MAP3K13: variants seen among roughly 807,000 people sequenced by gnomAD.
The protein encoded by MAP3K13 is mitogen-activated protein kinase kinase kinase 13, also known as leucine zipper-bearing kinase.
A neutral mutation model predicts 104.0 loss-of-function variants in MAP3K13; 52 were observed. The observed-to-expected ratio is 0.50, with a 90% CI of 0.40 to 0.63. MAP3K13 has a LOEUF of 0.63. Among genes scored for constraint, MAP3K13 ranks in the 20% least tolerant of loss-of-function variants. MAP3K13 has a pLI of 0.00. For missense variants in MAP3K13, 914 were observed against 1,218.5 expected (o/e 0.75, Z 3.72); for synonymous variants, 394 against 442.2 (o/e 0.89, Z 1.37).
At chr3:185,399,384 C>T (rs1712622057) in intron 1 of MAP3K13, among the ~76,000 whole-genome samples, 1 of 151,748 alleles carries the variant, frequency 6.6e-6, no homozygotes, top group African/African-American at 2.4e-5. Flanking sequence ...GCCCGCGGAT[C>T]ATGAGGTCAG....
At chr3:185,325,126 T>C (rs1156431380) in intron 2 of MAP3K13, among the ~76,000 whole-genome samples, 1 of 152,246 alleles carries the variant, frequency 6.6e-6, no homozygotes, top group Non-Finnish European at 1.5e-5. Flanking sequence ...TAAGTAGACG[T>C]AGTTAGGCTG....
chr3:185,428,694 C>A lies in MAP3K13; in HGVS notation c.113C>A (p.Pro38His), dbSNP rs1714567648. 1 of 1,614,202 alleles carries A rather than the reference C, an allele frequency of 6.2e-7. No homozygotes were observed. Among genetic ancestry groups the A allele is most frequent in the Non-Finnish European group, 8.5e-7 (1 of 1,180,034 alleles). The part of the protein sequence containing the change: ...QDELTAMGNH[P>H]SPKLLEDQQE... The stretch of plus-strand genomic sequence containing the variant: ...GAGCTCACAGCTATGGGGAACCACC[C>A]TTCTCCCAAGCTGCTCGAGGACCAG... Residue 38 changes from proline to histidine, a missense_variant, in exon 2 of 14, where the codon CCT becomes CAT. Physicochemically the swap from Pro to His is moderately conservative, Grantham distance 77. This residue lies in a region of MAP3K13 where 156 missense variants were observed against 159.8 expected (regional missense o/e 0.98). Coordinates refer to ENST00000265026, the MANE Select transcript of MAP3K13 (RefSeq NM_004721.5).
rs114503110 is a variant in MAP3K13, at chr3:185,473,659, G to A, written c.2328G>A (p.Thr776=). ...AAAACGCCCAGAGTTCTGAGAAAAC[G>A]GAAGAAAATGAATTCAGCGGCTGTA... is the stretch of plus-strand genomic sequence containing the variant. ...LLENAQSSEK[T]EENEFSGCRS... The change falls in exon 11 of 14, where the codon ACG becomes ACA. Residue 776 remains threonine, a synonymous_variant. Coordinates refer to ENST00000265026, the MANE Select transcript of MAP3K13 (RefSeq NM_004721.5). This position sits in a 1 kb window ranked among gnomAD's most constrained non-coding sequence, Gnocchi z 4.9. The A allele has an allele frequency of 6.9e-4, 1,108 of 1,614,158 alleles. 12 individuals carry two copies. The African/African-American group carries it at 0.013, about 19-fold the overall frequency.
intron 1 of MAP3K13, among the ~76,000 whole-genome samples, chr3:185,395,832 G>A (rs987180062): frequency 4.0e-5 from 6 of 151,746 alleles, no homozygotes; most frequent in African/African-American, 7.3e-5. Context: ...TTACAGGCAC[G>A]CATGCTCGGT....
At chr3:185,426,313 C>A (rs866971398) in intron 1 of MAP3K13, among the ~76,000 whole-genome samples, 1 of 152,292 alleles carries the variant, frequency 6.6e-6, no homozygotes, top group South Asian at 2.1e-4. Flanking sequence ...AACTCCTGAC[C>A]TCATGATCTG....
At chr3:185,390,913 G>A (rs1312122821) in intron 1 of MAP3K13, among the ~76,000 whole-genome samples, 3 of 152,016 alleles carry the variant, frequency 2.0e-5, no homozygotes, top group African/African-American at 2.4e-5. Flanking sequence ...GAGCCACTGC[G>A]CTGGGCCGAT....
chr3:185,298,649 A>T (rs1720997738), intron 2 of MAP3K13, among the ~76,000 whole-genome samples: 1 of 152,172 alleles, frequency 6.6e-6, no homozygotes, highest in Non-Finnish European at 1.5e-5. Flanking sequence ...AGAAAACCTG[A>T]GAAGAGACAG....
chr3:185,449,128 T>C (rs1180592020), intron 5 of MAP3K13, among the ~76,000 whole-genome samples: 1 of 152,170 alleles, frequency 6.6e-6, no homozygotes, highest in East Asian at 1.9e-4. Flanking sequence ...TTCCAGCACT[T>C]TGGGAGGCCA....
Position 185,463,612 on chromosome 3 carries a change from A to T in MAP3K13, c.1341A>T (p.Ile447=), listed in dbSNP as rs751782947. The T allele has an allele frequency of 5.0e-6, 8 of 1,613,356 alleles. No homozygotes were observed. Among genetic ancestry groups the T allele is most frequent in the Non-Finnish European group, 6.8e-6 (8 of 1,179,518 alleles). Residue 447 remains isoleucine, a synonymous_variant, in exon 8 of 14, where the codon ATA becomes ATT. Transcript: ENST00000265026. ...FEKIKSEGTC[I]HRLDEELIRR... ...AGATCAAAAGTGAAGGAACTTGTAT[A>T]CACCGGTTAGATGAAGAACTGATTC...
chr3:185,367,787 G>A (rs1383606625), intron 1 of MAP3K13, among the ~76,000 whole-genome samples: 1 of 151,954 alleles, frequency 6.6e-6, no homozygotes, highest in Non-Finnish European at 1.5e-5. Context: ...ATAGAGATGA[G>A]GTCTCCCTAT....
chr3:185,341,742 G>A (rs1185812822), intron 2 of MAP3K13, among the ~76,000 whole-genome samples: 1 of 152,130 alleles, frequency 6.6e-6, no homozygotes, highest in African/African-American at 2.4e-5. Context: ...TTGGAGACCA[G>A]GTCAGAGATT....
chr3:185,394,315 C>T (rs1479510916), intron 1 of MAP3K13, among the ~76,000 whole-genome samples: 2 of 152,080 alleles, frequency 1.3e-5, no homozygotes, highest in East Asian at 1.9e-4. Flanking sequence ...GGGTACAAGT[C>T]CCTGAGTACC....
chr3:185,393,885 CAA>C (rs1712226006), intron 1 of MAP3K13, among the ~76,000 whole-genome samples: 1 of 152,128 alleles, frequency 6.6e-6, no homozygotes, highest in Non-Finnish European at 1.5e-5. Flanking sequence ...CTGCCCATTT[CAA>C]AGTCTTTCAA....
chr3:185,415,246 G>A lies in MAP3K13; in HGVS notation c.-85-13251G>A, dbSNP rs188950215. On this transcript the variant is annotated intron_variant, in intron 1 of 13. Transcript: ENST00000265026. ...TGGCTCACTGCAACCTCTGCCTCCCGGCTTCAAGAGGTTCTCATGCCTCAG... is the reference window on the plus strand; with the variant it reads ...TGGCTCACTGCAACCTCTGCCTCCCAGCTTCAAGAGGTTCTCATGCCTCAG... 2.8e-4 allele frequency among the ~76,000 whole-genome samples: 43 copies of A among 151,926 alleles called. No individual in the cohort carries two copies. The South Asian group carries it at 7.9e-3, about 28-fold the overall frequency.
At chr3:185,327,640 A>G (rs546673307) in intron 2 of MAP3K13, among the ~76,000 whole-genome samples, 1 of 152,296 alleles carries the variant, frequency 6.6e-6, no homozygotes, top group East Asian at 1.9e-4. Context: ...GGCTGGGCGC[A>G]GTGGCTCACA....
At chr3:185,359,871 A>T (rs1723530928), upstream of MAP3K13, among the ~76,000 whole-genome samples, 1 of 152,198 alleles carries the variant, frequency 6.6e-6, no homozygotes, top group African/African-American at 2.4e-5. Flanking sequence ...CCCATGGGTC[A>T]TGATACTTTG....
chr3:185,437,336 C>G (rs1715096812), intron 2 of MAP3K13, 111 bp from the exon 3 acceptor site: 10 of 858,656 alleles, frequency 1.2e-5, no homozygotes, highest in Non-Finnish European at 1.6e-5. Flanking sequence ...TGCCGGGAGA[C>G]AGAGGGTAAG....
chr3:185,461,517 T>C lies in MAP3K13; in HGVS notation c.1279-2033T>C, dbSNP rs576522578. Among the ~76,000 whole-genome samples the C allele has an allele frequency of 6.6e-5, 10 of 152,318 alleles. No homozygotes were observed. The South Asian group carries it at 2.1e-3, about 32-fold the overall frequency. ...ATCCAGAAAGATACTCTTTCTATTATTGTTGTACACTTAATGAGAGCTACT... is the reference window on the plus strand; with the variant it reads ...ATCCAGAAAGATACTCTTTCTATTACTGTTGTACACTTAATGAGAGCTACT... On this transcript the variant is annotated intron_variant, in intron 7 of 13. Coordinates refer to ENST00000265026, the MANE Select transcript of MAP3K13 (RefSeq NM_004721.5).
intron 1 of MAP3K13, among the ~76,000 whole-genome samples, chr3:185,283,344 A>T (rs1720378628): frequency 6.6e-6 from 1 of 152,072 alleles, no homozygotes; most frequent in Non-Finnish European, 1.5e-5. Context: ...TGGGGCACTG[A>T]GATGAGTTGA....
Sources: allele counts gnomAD v4.1 joint callset (sites outside exome capture counted in the v4.1 genomes callset), GRCh38; gene constraint gnomAD v4.1.1; regional missense constraint gnomAD v4.1.1; non-coding constraint Gnocchi (gnomAD v3.1); transcripts MANE v1.5; gene names NCBI Gene and HGNC (gene_info 2026-07-23, HGNC 2026-07-21).